Variants in SOBP observed in about 807,000 individuals in gnomAD.
SOBP encodes sine oculis-binding protein homolog.
In SOBP, 4 loss-of-function variants were observed where a neutral mutation model predicts 53.6. The observed-to-expected ratio is 0.07, with a 90% CI of 0.04 to 0.17. SOBP has a LOEUF of 0.17. Ranked by LOEUF, SOBP falls within the 10% of genes least tolerant of loss-of-function variation. The pLI, the probability that SOBP is intolerant of heterozygous loss-of-function variation, is 1.00. For synonymous variants in SOBP, 584 were observed against 522.6 expected (o/e 1.12, Z -1.60); for missense variants, 1,088 against 1,204.7 (o/e 0.90, Z 1.43).
chr6:107,532,241 TCA>T (rs10525191), intron 3 of SOBP, among the ~76,000 whole-genome samples: 2,026 of 139,702 alleles, frequency 0.015, 39 homozygotes, highest in African/African-American at 0.042. Flanking sequence ...TCTCTCTCTC[TCA>T]CACACACACA....
chr6:107,523,840 C>T (rs564564163), intron 3 of SOBP, among the ~76,000 whole-genome samples: 3 of 152,348 alleles, frequency 2.0e-5, no homozygotes, highest in African/African-American at 7.2e-5. Context: ...TTTTCTCCTG[C>T]ACATTGGCCT....
intron 4 of SOBP, among the ~76,000 whole-genome samples, chr6:107,551,756 C>T (rs532045200): frequency 6.6e-6 from 1 of 152,292 alleles, no homozygotes; most frequent in Admixed American, 6.5e-5. Context: ...CGCAGTGGCT[C>T]ATGCCTGTAA....
chr6:107,569,571 C>A (rs995619787), intron 4 of SOBP, among the ~76,000 whole-genome samples: 2 of 152,194 alleles, frequency 1.3e-5, no homozygotes, highest in Non-Finnish European at 2.9e-5. Context: ...GCTAGTGTTG[C>A]ATCTTATAAG....
chr6:107,559,205 C>A (rs1375476311), intron 4 of SOBP, among the ~76,000 whole-genome samples: 3 of 151,878 alleles, frequency 2.0e-5, no homozygotes, highest in Non-Finnish European at 4.4e-5. Flanking sequence ...AAAAAAAAAG[C>A]TAGCTTATAA....
chr6:107,613,305 G>C (rs1786666534), intron 5 of SOBP, among the ~76,000 whole-genome samples: 1 of 152,230 alleles, frequency 6.6e-6, no homozygotes, highest in Non-Finnish European at 1.5e-5. Flanking sequence ...CCTAAGACTA[G>C]ACCCAGGAGA....
intron 4 of SOBP, among the ~76,000 whole-genome samples, chr6:107,545,379 C>T (rs568553351): frequency 1.3e-5 from 2 of 152,254 alleles, no homozygotes; most frequent in South Asian, 2.1e-4. Context: ...GCAAGACAAT[C>T]GTGATAAAAC....
At chr6:107,593,700 C>T (rs146951165) in intron 5 of SOBP, among the ~76,000 whole-genome samples, 5 of 152,252 alleles carry the variant, frequency 3.3e-5, no homozygotes, top group Non-Finnish European at 7.3e-5. Flanking sequence ...TTTAGTATAC[C>T]TAGCACCTAA....
chr6:107,527,580 G>A (rs1783700085), intron 3 of SOBP, among the ~76,000 whole-genome samples: 1 of 152,180 alleles, frequency 6.6e-6, no homozygotes, highest in Non-Finnish European at 1.5e-5. Flanking sequence ...CATATAGAAT[G>A]TGCATATTTA....
At chr6:107,609,703 GCATAAGGAGT>G (rs1562098364) in intron 5 of SOBP, among the ~76,000 whole-genome samples, 1 of 152,124 alleles carries the variant, frequency 6.6e-6, no homozygotes. Context: ...GCTCCGTTAT[GCATAAGGAGT>G]CCTAAATATT....
chr6:107,586,903 A>G (rs997462109), intron 4 of SOBP, among the ~76,000 whole-genome samples, 177 bp from the exon 5 acceptor site: 1 of 152,220 alleles, frequency 6.6e-6, no homozygotes, highest in African/African-American at 2.4e-5. Context: ...CAATGTAAAG[A>G]AAAATAAATC....
At chr6:107,493,926 A>T (rs530244612) in intron 1 of SOBP, among the ~76,000 whole-genome samples, 3 of 152,370 alleles carry the variant, frequency 2.0e-5, no homozygotes, top group Admixed American at 2.0e-4. Flanking sequence ...GGTTTAATGT[A>T]CATGGCAGTT....
At chr6:107,610,796 GCACACA>G (rs150127640) in intron 5 of SOBP, among the ~76,000 whole-genome samples, 22,376 of 148,954 alleles carry the variant, frequency 0.15, 2,155 homozygotes, top group Admixed American at 0.25. Flanking sequence ...GTGTGCACAC[GCACACA>G]CACACACACA....
chr6:107,496,743 T>C (rs1284464271), intron 1 of SOBP, among the ~76,000 whole-genome samples: 7 of 152,200 alleles, frequency 4.6e-5, no homozygotes, highest in African/African-American at 1.7e-4. Flanking sequence ...TTCATTCACA[T>C]TGATGACCCT....
intron 4 of SOBP, among the ~76,000 whole-genome samples, chr6:107,551,389 T>TA (rs1187287373): frequency 6.6e-6 from 1 of 152,160 alleles, no homozygotes. Context: ...GAACCAGTAG[T>TA]AAAAAATTTG....
chr6:107,529,361 G>A, intron 3 of SOBP: 1 of 703,314 alleles, frequency 1.4e-6, no homozygotes, highest in Non-Finnish European at 1.7e-6. Flanking sequence ...GTCATTTCAT[G>A]GCATGGGGAA....
At chr6:107,576,633 G>A (rs1416066700) in intron 4 of SOBP, among the ~76,000 whole-genome samples, 1 of 152,218 alleles carries the variant, frequency 6.6e-6, no homozygotes, top group Non-Finnish European at 1.5e-5. Flanking sequence ...GCTGGGAATG[G>A]TATGGAAGTG....
At position 107,526,095 on chromosome 6, in the gene SOBP, C is replaced by T. The variant is rs565932592; in HGVS notation, c.422-7364C>T. Reference sequence around the variant, plus strand: ...CCCAAGTAGCTGGGATTACAGGCAGCCGCCACCATGCCTGGCTAATTTTTT... The same window carrying T: ...CCCAAGTAGCTGGGATTACAGGCAGTCGCCACCATGCCTGGCTAATTTTTT... On this transcript the variant is annotated intron_variant, in intron 3 of 6. Transcript: ENST00000317357. Among the ~76,000 whole-genome samples the T allele has an allele frequency of 4.6e-5, 7 of 152,128 alleles. No individual in the cohort carries two copies. In the East Asian group the frequency reaches 1.2e-3, roughly 25 times the overall value.
chr6:107,524,901 G>A (rs986636566), intron 3 of SOBP, among the ~76,000 whole-genome samples: 47 of 152,162 alleles, frequency 3.1e-4, no homozygotes, highest in Admixed American at 7.2e-4. Context: ...AGACATGTCC[G>A]CTGTTAAATC....
At chr6:107,630,445 ATCAGT>A (rs2115135610) in intron 5 of SOBP, among the ~76,000 whole-genome samples, 1 of 152,282 alleles carries the variant, frequency 6.6e-6, no homozygotes, top group African/African-American at 2.4e-5. Flanking sequence ...ATCTTAAGTA[ATCAGT>A]TCAGGCTCTT....
Sources: gnomAD v4.1 joint callset for allele counts (sites outside exome capture counted in the v4.1 genomes callset) on GRCh38, gnomAD v4.1.1 for gene constraint, MANE v1.5 for transcripts, NCBI Gene and HGNC (gene_info 2026-07-23, HGNC 2026-07-21) for gene names.